The following JARID2 variants were observed in gnomAD, a reference collection of about 807,000 sequenced individuals.
The protein encoded by JARID2 is jumonji and AT-rich interaction domain containing 2, also known as protein Jumonji.
In JARID2, 21 loss-of-function variants were observed where a neutral mutation model predicts 125.6. That is an observed-to-expected ratio of 0.17 (90% CI 0.12 to 0.24). The LOEUF is 0.24. Among genes scored for constraint, JARID2 ranks in the 10% least tolerant of loss-of-function variants. The probability of loss-of-function intolerance (pLI) is 1.00; values close to 1 mark genes in which losing one functional copy is unlikely to be tolerated. For synonymous variants in JARID2, 736 were observed against 661.6 expected (o/e 1.11, Z -1.73); for missense variants, 1,303 against 1,639.6 (o/e 0.79, Z 3.55).
rs550222293 is a variant in JARID2 at position 15,294,150 on chromosome 6, A to C, written c.45+47566A>C. Among the ~76,000 whole-genome samples, 25 of 152,294 alleles carry C rather than the reference A, an allele frequency of 1.6e-4. 1 individual carries two copies. In the East Asian group the frequency reaches 4.8e-3, roughly 29 times the overall value. On this transcript the variant is annotated intron_variant, in intron 1 of 17. Transcript: ENST00000341776. ...GAAAGCTTCCAGGAAAAGGAAGGCC[A>C]ACCACTTTAGGTTAGGTGCACCCCA...
chr6:15,485,875 A>ATGTT (rs1470791089), intron 5 of JARID2, among the ~76,000 whole-genome samples: 1 of 152,210 alleles, frequency 6.6e-6, no homozygotes, highest in Non-Finnish European at 1.5e-5. Context: ...GACAGGTAAG[A>ATGTT]TGTTTAGAGG....
intron 3 of JARID2, among the ~76,000 whole-genome samples, chr6:15,419,684 C>T (rs1186080932): frequency 6.6e-6 from 1 of 152,142 alleles, no homozygotes; most frequent in Non-Finnish European, 1.5e-5. Context: ...AGTCATTCAC[C>T]ATCAGTACTT....
At chr6:15,312,706 T>C (rs534345611) in intron 1 of JARID2, among the ~76,000 whole-genome samples, 1 of 152,358 alleles carries the variant, frequency 6.6e-6, no homozygotes, top group South Asian at 2.1e-4. Flanking sequence ...CTTTCTGTCT[T>C]TCTGTGTTCT....
At chr6:15,321,051 GTAGT>G (rs1762339020) in intron 1 of JARID2, among the ~76,000 whole-genome samples, 1 of 152,100 alleles carries the variant, frequency 6.6e-6, no homozygotes, top group African/African-American at 2.4e-5. Context: ...GTATTTTGCA[GTAGT>G]TAGTATGTTG....
intron 1 of JARID2, among the ~76,000 whole-genome samples, chr6:15,300,509 G>T (rs938682310): frequency 2.0e-5 from 3 of 152,072 alleles, no homozygotes; most frequent in Admixed American, 1.3e-4. Flanking sequence ...AACTGTACCC[G>T]TAATTCATGA....
At chr6:15,416,139 G>C (rs1384190877) in intron 3 of JARID2, among the ~76,000 whole-genome samples, 1 of 151,870 alleles carries the variant, frequency 6.6e-6, no homozygotes, top group Non-Finnish European at 1.5e-5. Context: ...TGGCGGCCGG[G>C]AAGAGGCGCT....
intron 1 of JARID2, among the ~76,000 whole-genome samples, chr6:15,321,389 C>G (rs2127441052): frequency 6.6e-6 from 1 of 152,288 alleles, no homozygotes; most frequent in Admixed American, 6.5e-5. Flanking sequence ...GCACATATTT[C>G]ATTAATGGGA....
At chr6:15,306,333 T>TTC (rs1455757504) in intron 1 of JARID2, among the ~76,000 whole-genome samples, 1 of 127,604 alleles carries the variant, frequency 7.8e-6, no homozygotes, top group African/African-American at 3.1e-5. Flanking sequence ...TATTTCTTTT[T>TTC]TTTTTTTTTT....
intron 8 of JARID2, among the ~76,000 whole-genome samples, chr6:15,501,807 G>A (rs1012296564): frequency 3.3e-5 from 5 of 152,136 alleles, no homozygotes; most frequent in Admixed American, 1.3e-4. Context: ...TTGCGTGTGC[G>A]TGTTGCATGC....
chr6:15,492,633 CTGTTT>C (rs1770208930), intron 6 of JARID2, among the ~76,000 whole-genome samples: 1 of 152,196 alleles, frequency 6.6e-6, no homozygotes, highest in Admixed American at 6.5e-5. Flanking sequence ...GTTGTTGGTT[CTGTTT>C]TATTTCTCCC....
chr6:15,291,782 T>G (rs1175690451), intron 1 of JARID2, among the ~76,000 whole-genome samples: 2 of 152,236 alleles, frequency 1.3e-5, no homozygotes, highest in Admixed American at 1.3e-4. Flanking sequence ...ACACAAATGT[T>G]GTAAATATTT....
At position 15,496,656 on chromosome 6, in the gene JARID2, G is replaced by A. The variant is rs139874991; in HGVS notation, c.1431G>A (p.Glu477=). The change falls in exon 7 of 18, where the codon GAG becomes GAA. Residue 477 remains glutamate, a synonymous_variant. Transcript: ENST00000341776. ...GCCCTGGCAAGAAGGCCCCGGCCGAGAGAGGTCTGCTGAACGGACACGTGA... is the reference window on the plus strand; with the variant it reads ...GCCCTGGCAAGAAGGCCCCGGCCGAAAGAGGTCTGCTGAACGGACACGTGA... ...AEGPGKKAPA[E]RGLLNGHVKK... is the part of the protein sequence containing the mutation. 250 of 1,612,534 alleles carry A rather than the reference G, an allele frequency of 1.6e-4. No homozygotes were observed. The highest frequency in any genetic ancestry group is 1.8e-4 in the Admixed American group (11 of 60,000).
intron 3 of JARID2, among the ~76,000 whole-genome samples, chr6:15,415,880 C>T (rs1766170288): frequency 6.6e-6 from 1 of 151,324 alleles, no homozygotes; most frequent in Non-Finnish European, 1.5e-5. Context: ...TGACCCCCAC[C>T]TCCCTCCCGG....
intron 2 of JARID2, among the ~76,000 whole-genome samples, chr6:15,388,003 C>T (rs528840474): frequency 6.6e-6 from 1 of 152,250 alleles, no homozygotes; most frequent in East Asian, 1.9e-4. Context: ...CCAGATAGGG[C>T]TTCCTACAGC....
At chr6:15,503,711 T>C (rs1454053175) in intron 8 of JARID2, among the ~76,000 whole-genome samples, 2 of 152,250 alleles carry the variant, frequency 1.3e-5, no homozygotes, top group Non-Finnish European at 2.9e-5. Flanking sequence ...GAGATATTTC[T>C]GGACTCAAGC....
intron 1 of JARID2, among the ~76,000 whole-genome samples, chr6:15,286,481 A>G (rs1164802913): frequency 6.6e-6 from 1 of 151,354 alleles, no homozygotes; most frequent in Non-Finnish European, 1.5e-5. Flanking sequence ...TGAACTCCTG[A>G]CCTCATGATC....
intron 5 of JARID2, among the ~76,000 whole-genome samples, chr6:15,476,002 TTTTCCATTACAGGGTA>T (rs1173672025): frequency 1.3e-5 from 2 of 152,196 alleles, no homozygotes; most frequent in Admixed American, 1.3e-4. Flanking sequence ...GTTTTGTGAC[TTTTCCATTACAGGGTA>T]TTTCTCTTAT....
At chr6:15,510,678 G>C (rs1581666075) in intron 12 of JARID2, among the ~76,000 whole-genome samples, 3 of 152,326 alleles carry the variant, frequency 2.0e-5, no homozygotes, top group Admixed American at 2.0e-4. Context: ...AAACTCTCCA[G>C]TGGGGAGCAG....
At position 15,458,000 on chromosome 6, in the gene JARID2, G is replaced by A. The variant is rs539492041; in HGVS notation, c.493+5825G>A. On this transcript the variant is annotated intron_variant, in intron 4 of 17. Coordinates refer to ENST00000341776, the MANE Select transcript of JARID2 (RefSeq NM_004973.4). The stretch of plus-strand genomic sequence containing the variant: ...TGCAGCCGGCCCGAGGTATTTGCCC[G>A]CAGTGTATTTATCTTTAAATAGCTG... 1.1e-4 allele frequency among the ~76,000 whole-genome samples: 16 copies of A among 152,230 alleles called. No individual in the cohort carries two copies. The South Asian group carries it at 3.1e-3, about 30-fold the overall frequency.
Sources: allele counts gnomAD v4.1 joint callset (sites outside exome capture counted in the v4.1 genomes callset), GRCh38; gene constraint gnomAD v4.1.1; transcripts MANE v1.5; gene names NCBI Gene and HGNC (gene_info 2026-07-23, HGNC 2026-07-21).